Variants in GADL1 observed in about 807,000 individuals in gnomAD.
GADL1 encodes GAD like acidic amino acid decarboxylase 1.
In GADL1, 71 loss-of-function variants were observed where a neutral mutation model predicts 69.5. That is an observed-to-expected ratio of 1.02 (90% CI 0.84 to 1.25). GADL1 has a LOEUF of 1.25. GADL1 is among the 50% of genes most tolerant of loss of function. The pLI is 0.00. For missense variants in GADL1, 737 were observed against 631.8 expected (o/e 1.17, Z -1.79); for synonymous variants, 254 against 214.4 (o/e 1.18, Z -1.62).
intron 11 of GADL1, among the ~76,000 whole-genome samples, chr3:30,827,246 C>A (rs1320688907): frequency 6.6e-6 from 1 of 151,100 alleles, no homozygotes; most frequent in Non-Finnish European, 1.5e-5. Context: ...GTGAGTGAGA[C>A]CCATTCTGTC....
At chr3:30,833,809 C>A (rs1371711517) in intron 11 of GADL1, 44 bp downstream of exon 11, 2 of 1,415,568 alleles carry the variant, frequency 1.4e-6, no homozygotes. Flanking sequence ...AGCACAGTGG[C>A]TTAACCCCCT....
At chr3:30,887,804 C>T (rs1698729917) in intron 1 of GADL1, among the ~76,000 whole-genome samples, 1 of 152,120 alleles carries the variant, frequency 6.6e-6, no homozygotes, top group African/African-American at 2.4e-5. Flanking sequence ...AAAGACATAT[C>T]ATAGTTTCTA....
chr3:30,801,394 G>A (rs748072995), intron 11 of GADL1, among the ~76,000 whole-genome samples: 1 of 151,966 alleles, frequency 6.6e-6, no homozygotes, highest in South Asian at 2.1e-4. Flanking sequence ...GTTTTTCAGT[G>A]TGAATAAAAC....
At chr3:30,865,620 A>G (rs7644270) in intron 1 of GADL1, among the ~76,000 whole-genome samples, 236 of 152,156 alleles carry the variant, frequency 1.6e-3, no homozygotes, top group African/African-American at 5.5e-3. Flanking sequence ...CATAGAACAC[A>G]GTTAATGGGC....
chr3:30,851,990 CTTT>C (rs1232049663), intron 4 of GADL1, among the ~76,000 whole-genome samples: 1 of 152,108 alleles, frequency 6.6e-6, no homozygotes, highest in East Asian at 1.9e-4. Flanking sequence ...CTATGATCTC[CTTT>C]TCAATTGAGG....
chr3:30,759,407 C>T (rs1420221947), intron 14 of GADL1, among the ~76,000 whole-genome samples: 2 of 152,194 alleles, frequency 1.3e-5, no homozygotes, highest in Admixed American at 6.5e-5. Flanking sequence ...TTACACTGGA[C>T]ATTTTATTAC....
At chr3:30,833,250 G>A (rs1047864585) in intron 11 of GADL1, among the ~76,000 whole-genome samples, 1 of 151,930 alleles carries the variant, frequency 6.6e-6, no homozygotes, top group East Asian at 1.9e-4. Context: ...TTATACCTCC[G>A]GCCAAGAGGA....
chr3:30,864,906 T>C (rs1698375591), intron 1 of GADL1, among the ~76,000 whole-genome samples: 1 of 151,964 alleles, frequency 6.6e-6, no homozygotes. Context: ...TTTCCCCTCA[T>C]TTTCTGTGGA....
chr3:30,787,593 G>T (rs1380918143), intron 12 of GADL1, among the ~76,000 whole-genome samples: 1 of 152,014 alleles, frequency 6.6e-6, no homozygotes, highest in Non-Finnish European at 1.5e-5. Context: ...ATATATAATA[G>T]CAAAAAATCA....
chr3:30,751,882 C>G (rs573596357), intron 14 of GADL1, among the ~76,000 whole-genome samples: 5 of 152,348 alleles, frequency 3.3e-5, no homozygotes, highest in Admixed American at 1.3e-4. Context: ...TCTAGCTTCC[C>G]TTTTCATCCC....
chr3:30,776,026 C>T (rs1016908472), intron 14 of GADL1, among the ~76,000 whole-genome samples: 8 of 152,004 alleles, frequency 5.3e-5, no homozygotes, highest in African/African-American at 1.7e-4. Context: ...GCGGAGGTTG[C>T]AGTGAGCAGA....
rs755675751 is a variant in GADL1, at chr3:30,849,961, GA to G, written c.651+34del. ...AAGCCCTCTTAAATATGCTTTCTCAGAAAATCTATATTCAATACCAAAAATA... is the reference window on the plus strand; with the variant it reads ...AAGCCCTCTTAAATATGCTTTCTCAGAAATCTATATTCAATACCAAAAATA... On this transcript the variant is annotated intron_variant, in intron 6 of 14. Coordinates refer to ENST00000282538, the MANE Select transcript of GADL1 (RefSeq NM_207359.3). The G allele has an allele frequency of 6.3e-6, 8 of 1,271,160 alleles. No homozygotes were observed. The South Asian group carries it at 9.7e-5, about 15-fold the overall frequency. The allele number at this position is 1,271,160 out of a possible 1,614,324, so 78.7% of individuals were successfully genotyped here.
At chr3:30,770,095 A>G (rs997466831) in intron 14 of GADL1, among the ~76,000 whole-genome samples, 3 of 152,218 alleles carry the variant, frequency 2.0e-5, no homozygotes, top group Admixed American at 6.5e-5. Flanking sequence ...GGAGCTGAGT[A>G]GAGGTTGTTC....
At chr3:30,757,153 C>A (rs1003930583) in intron 14 of GADL1, among the ~76,000 whole-genome samples, 2 of 151,990 alleles carry the variant, frequency 1.3e-5, no homozygotes, top group African/African-American at 2.4e-5. Flanking sequence ...CCATGTGAAC[C>A]GCTATACCTC....
chr3:30,844,467 C>T lies in GADL1; in HGVS notation c.652-1G>A, dbSNP rs1472017292. On this transcript the variant is annotated splice_acceptor_variant, in intron 6 of 14. Coordinates refer to ENST00000282538, the MANE Select transcript of GADL1 (RefSeq NM_207359.3). LOFTEE classifies it high-confidence loss of function. ...CTGCCTTCTTCATAGAGTAATGACA[C>T]TGAATTCAAAGGGACAGTGGGGAAG... 1 of 1,601,376 alleles carries T rather than the reference C, an allele frequency of 6.2e-7. No homozygotes were observed. Among genetic ancestry groups the T allele is most frequent in the Non-Finnish European group, 8.6e-7 (1 of 1,168,656 alleles).
intron 14 of GADL1, among the ~76,000 whole-genome samples, chr3:30,762,902 C>G (rs1406029370): frequency 6.6e-6 from 1 of 152,144 alleles, no homozygotes; most frequent in Non-Finnish European, 1.5e-5. Flanking sequence ...ATCCATGTTT[C>G]AAATGACTGG....
chr3:30,834,267 G>GCC lies in GADL1; in HGVS notation c.916_917dup (p.Ser307AlafsTer4). 1 of 1,612,562 alleles carries GCC rather than the reference G, an allele frequency of 6.2e-7. No homozygotes were observed. The highest frequency in any genetic ancestry group is 8.5e-7 in the Non-Finnish European group (1 of 1,178,942). On this transcript the variant is annotated frameshift_variant, in exon 10 of 15. Coordinates refer to ENST00000282538, the MANE Select transcript of GADL1 (RefSeq NM_207359.3). LOFTEE classifies it high-confidence loss of function. ...GGTGCTTCCTCGACATCAAAGCTGA[G>GCC]CCACCCCAAGAAGCCTGTTGAGATA...
chr3:30,834,326 A>G (rs980093859), intron 9 of GADL1, 45 bp from the exon 10 acceptor site: 8 of 1,523,178 alleles, frequency 5.3e-6, no homozygotes, highest in Admixed American at 5.1e-5. Flanking sequence ...TTTCAATGTT[A>G]TTTGTTTACC....
At chr3:30,813,848 C>T (rs569630325) in intron 11 of GADL1, among the ~76,000 whole-genome samples, 97 of 152,166 alleles carry the variant, frequency 6.4e-4, no homozygotes, top group Non-Finnish European at 1.2e-3. Context: ...AAGTACTTGG[C>T]AGAATCTTTG....
Sources: allele counts gnomAD v4.1 joint callset (sites outside exome capture counted in the v4.1 genomes callset), GRCh38; gene constraint gnomAD v4.1.1; transcripts MANE v1.5; gene names NCBI Gene and HGNC (gene_info 2026-07-23, HGNC 2026-07-21).